WFDC1: variants seen among roughly 807,000 people sequenced by gnomAD.
WFDC1 encodes the protein WAP four-disulfide core domain 1.
In WFDC1, 39 loss-of-function variants were observed where a neutral mutation model predicts 32.9. That is an observed-to-expected ratio of 1.19 (90% CI 0.92 to 1.55). The LOEUF is 1.55. Among genes scored for constraint, WFDC1 ranks in the 40% most tolerant of loss-of-function variants. WFDC1 has a pLI of 0.00. For synonymous variants in WFDC1, 184 were observed against 137.4 expected (o/e 1.34, Z -2.37); for missense variants, 386 against 309.5 (o/e 1.25, Z -1.85).
At chr16:84,306,453 G>A (rs1162766609) in intron 1 of WFDC1, among the ~76,000 whole-genome samples, 1 of 152,150 alleles carries the variant, frequency 6.6e-6, no homozygotes, top group Non-Finnish European at 1.5e-5. Flanking sequence ...GAGGAGCAGC[G>A]AATCCTCAGA....
At chr16:84,327,183 C>T in intron 6 of WFDC1, 3 of 511,754 alleles carry the variant, frequency 5.9e-6, no homozygotes, top group Admixed American at 6.4e-5. Flanking sequence ...GCCATAGAAG[C>T]TTAACTCATT....
chr16:84,316,619 C>G (rs1180886853), intron 2 of WFDC1: 1 of 22,126 alleles, frequency 4.5e-5, no homozygotes, highest in Non-Finnish European at 9.9e-5. Flanking sequence ...TCATCATCAT[C>G]ATTAGTAAAA....
intron 1 of WFDC1, among the ~76,000 whole-genome samples, chr16:84,311,894 G>A (rs1299800683): frequency 2.0e-5 from 3 of 151,760 alleles, no homozygotes; most frequent in African/African-American, 7.3e-5. Flanking sequence ...GGCCAGGCGC[G>A]GTGGCTCACA....
intron 1 of WFDC1, among the ~76,000 whole-genome samples, chr16:84,298,655 C>G (rs1478193540): frequency 6.6e-6 from 1 of 152,336 alleles, no homozygotes; most frequent in African/African-American, 2.4e-5. Context: ...AAGCGCAGGG[C>G]TGCCTGTAGC....
chr16:84,311,395 T>TTTTTGTA (rs1907612375), intron 1 of WFDC1, among the ~76,000 whole-genome samples: 1 of 146,902 alleles, frequency 6.8e-6, no homozygotes, highest in Non-Finnish European at 1.5e-5. Context: ...TTTTTTTTCT[T>TTTTTGTA]TTTTTTGTAT....
intron 6 of WFDC1, chr16:84,328,010 G>A (rs1175511640): frequency 6.5e-6 from 1 of 153,236 alleles, no homozygotes; most frequent in East Asian, 1.9e-4. Context: ...GAGTCCCTGG[G>A]CAGGAGCAGA....
rs1906674064 is a variant in WFDC1 at position 84,297,603 on chromosome 16, G to T, written c.144+2488G>T. 3.7e-5 allele frequency among the ~76,000 whole-genome samples: 4 copies of T among 109,544 alleles called. No individual in the cohort carries two copies. In the South Asian group the frequency reaches 1.3e-3, roughly 37 times the overall value. 71.9% of individuals were successfully genotyped at this position (109,544 alleles called of 152,430 possible). On this transcript the variant is annotated intron_variant, in intron 1 of 6. Coordinates refer to ENST00000219454, the MANE Select transcript of WFDC1 (RefSeq NM_021197.4). Reference sequence around the variant, plus strand: ...TTGCACTCCAGCCTGGGCAACAAGAGTGAAACTCTGTCTCAAAAAAAAAAA... The same window carrying T: ...TTGCACTCCAGCCTGGGCAACAAGATTGAAACTCTGTCTCAAAAAAAAAAA...
At chr16:84,314,039 C>G (rs1214121512) in intron 2 of WFDC1, among the ~76,000 whole-genome samples, 1 of 63,834 alleles carries the variant, frequency 1.6e-5, no homozygotes, top group Non-Finnish European at 2.8e-5. Flanking sequence ...GAGACTCTGT[C>G]TCAAAAAAAA....
intron 1 of WFDC1, among the ~76,000 whole-genome samples, chr16:84,311,791 A>C (rs544965043): frequency 7.1e-6 from 1 of 141,280 alleles, no homozygotes; most frequent in African/African-American, 2.7e-5. Flanking sequence ...ACCCACCTTG[A>C]CTTCTGGAAA....
intron 3 of WFDC1, 57 bp downstream of exon 3, chr16:84,318,412 C>A (rs1201691846): frequency 3.8e-6 from 6 of 1,565,548 alleles, no homozygotes; most frequent in Non-Finnish European, 5.3e-6. Context: ...TCCTTCTCAG[C>A]TGCTTCCAGA....
intron 1 of WFDC1, among the ~76,000 whole-genome samples, chr16:84,303,490 A>G (rs1243260134): frequency 6.6e-6 from 1 of 152,114 alleles, no homozygotes; most frequent in African/African-American, 2.4e-5. Flanking sequence ...AAAAAAAAAA[A>G]AAGTCAGGCA....
intron 3 of WFDC1, 160 bp from the exon 4 acceptor site, chr16:84,319,271 C>T: frequency 1.1e-6 from 1 of 946,066 alleles, no homozygotes; most frequent in African/African-American, 1.7e-5. Context: ...CTGAGTGAGA[C>T]CCAGGGCCTA....
At position 84,329,765 on chromosome 16, in the gene WFDC1, T is replaced by C. The variant is rs1908813034; in HGVS notation, c.*459T>C. ...TTGCTTACTAATGTGTGATTCCTAG[T>C]TGTAGCCACCGGATGTGCTGAGGCC... On this transcript the variant is annotated 3_prime_UTR_variant, in exon 7 of 7. Coordinates refer to ENST00000219454, the MANE Select transcript of WFDC1 (RefSeq NM_021197.4). 6.6e-6 allele frequency: 1 copy of C among 152,232 alleles called. No individual in the cohort carries two copies. The highest frequency in any genetic ancestry group is 6.5e-5 in the Admixed American group (1 of 15,284). The allele number at this position is 152,232 out of a possible 1,614,324, so 9.4% of individuals were successfully genotyped here.
At chr16:84,304,706 G>A (rs558375693) in intron 1 of WFDC1, among the ~76,000 whole-genome samples, 6 of 152,352 alleles carry the variant, frequency 3.9e-5, no homozygotes, top group South Asian at 4.1e-4. Context: ...GGTGTCGTCC[G>A]TCTGGGGTGA....
intron 1 of WFDC1, among the ~76,000 whole-genome samples, chr16:84,298,915 A>G (rs1055332694): frequency 9.9e-5 from 15 of 152,210 alleles, no homozygotes; most frequent in Non-Finnish European, 1.8e-4. Flanking sequence ...TCCTTCTCCT[A>G]TCTGAGCCTC....
chr16:84,322,723 C>A (rs939476123), intron 4 of WFDC1, among the ~76,000 whole-genome samples: 12 of 152,178 alleles, frequency 7.9e-5, no homozygotes, highest in Non-Finnish European at 1.5e-4. Context: ...TTGAGGGGTT[C>A]ACATTTTATG....
chr16:84,302,033 C>G (rs796976695), intron 1 of WFDC1, among the ~76,000 whole-genome samples: 17 of 152,340 alleles, frequency 1.1e-4, no homozygotes, highest in African/African-American at 3.6e-4. Flanking sequence ...GGGACTAGAA[C>G]TCAGCCATAG....
intron 4 of WFDC1, among the ~76,000 whole-genome samples, chr16:84,320,499 G>T (rs2151378856): frequency 6.6e-6 from 1 of 152,344 alleles, no homozygotes; most frequent in African/African-American, 2.4e-5. Context: ...TGAGTGAATT[G>T]TGTTGCTCTC....
chr16:84,299,883 C>A (rs549193035), intron 1 of WFDC1, among the ~76,000 whole-genome samples: 1 of 152,128 alleles, frequency 6.6e-6, no homozygotes, highest in South Asian at 2.1e-4. Flanking sequence ...ATGCATCCTG[C>A]CAGACGGGGG....
Sources: allele counts gnomAD v4.1 joint callset (sites outside exome capture counted in the v4.1 genomes callset), GRCh38; gene constraint gnomAD v4.1.1; transcripts MANE v1.5; gene names NCBI Gene and HGNC (gene_info 2026-07-23, HGNC 2026-07-21).